Variants in ZNF648 observed in about 807,000 individuals in gnomAD.
ZNF648 encodes the protein zinc finger protein 648.
A neutral mutation model predicts 0.3 loss-of-function variants in ZNF648; 1 was observed. That is an observed-to-expected ratio of 3.90 (90% CI 1.39 to 18.51). The LOEUF (loss-of-function observed/expected upper bound fraction) is 18.51. Among genes scored for constraint, ZNF648 ranks in the 30% most tolerant of loss-of-function variants. The pLI, the probability that ZNF648 is intolerant of heterozygous loss-of-function variation, is 0.11. For synonymous variants in ZNF648, 376 were observed against 326.8 expected (o/e 1.15, Z -1.62); for missense variants, 874 against 769.7 (o/e 1.14, Z -1.60).
chr1:182,059,804 A>AG (rs1491330528), intron 1 of ZNF648, among the ~76,000 whole-genome samples: 1 of 246 alleles, frequency 4.1e-3, no homozygotes, highest in Non-Finnish European at 0.042. Context: ...ACTACATCTC[A>AG]AAAAAAAAAA....
rs568259246 is a variant in ZNF648, at chr1:182,060,602, C to T, written c.-64+966G>A. 3.9e-5 allele frequency among the ~76,000 whole-genome samples: 6 copies of T among 152,248 alleles called. No individual in the cohort carries two copies. The South Asian group carries it at 1.0e-3, about 26-fold the overall frequency. On this transcript the variant is annotated intron_variant, in intron 1 of 1. Transcript: ENST00000339948. ...CCTCTTCTCTCACTGCTTCCCTCAC[C>T]CATCACATGGCAGAGGGTAGCTGGC... is the stretch of plus-strand genomic sequence containing the variant.
Position 182,056,155 on chromosome 1 carries a change from T to A in ZNF648, c.*149A>T. ...ACCTGGGTGCTCTCTCGGTGGTGACTTTCTGTTCAAGGGATCAAATAAATA... is the reference window on the plus strand; with the variant it reads ...ACCTGGGTGCTCTCTCGGTGGTGACATTCTGTTCAAGGGATCAAATAAATA... On this transcript the variant is annotated 3_prime_UTR_variant, in exon 2 of 2. Coordinates refer to ENST00000339948, the MANE Select transcript of ZNF648 (RefSeq NM_001009992.1). 2.0e-6 allele frequency: 2 copies of A among 997,114 alleles called. No homozygotes were observed. Among genetic ancestry groups the A allele is most frequent in the Non-Finnish European group, 2.7e-6 (2 of 740,010 alleles). The allele number at this position is 997,114 out of a possible 1,614,324, so 61.8% of individuals were successfully genotyped here. A position where few individuals can be genotyped will look rare whatever the true frequency, so the allele number is the denominator to read the frequency against.
rs554826947 is a variant in ZNF648 at position 182,056,865 on chromosome 1, G to A, written c.1146C>T (p.His382=). 10 of 1,568,682 alleles carry A rather than the reference G, an allele frequency of 6.4e-6. No homozygotes were observed. The East Asian group carries it at 1.4e-4, about 22-fold the overall frequency. The change falls in exon 2 of 2, where the codon CAC becomes CAT. Residue 382 remains histidine, a synonymous_variant. Coordinates refer to ENST00000339948, the MANE Select transcript of ZNF648 (RefSeq NM_001009992.1). ...TFNKPLSLLR[H]QRTHLGAKPF... ...GCTTGGCGCCCAGGTGCGTGCGCTG[G>A]TGGCGCAGCAGCGACAGCGGCTTGT...
chr1:182,056,107 G>A lies in ZNF648; in HGVS notation c.*197C>T, dbSNP rs1471905893. 2 of 669,228 alleles carry A rather than the reference G, an allele frequency of 3.0e-6. No homozygotes were observed. The highest frequency in any genetic ancestry group is 3.1e-5 in the Admixed American group (1 of 32,036). The allele number at this position is 669,228 out of a possible 1,614,324, so 41.5% of individuals were successfully genotyped here. On this transcript the variant is annotated 3_prime_UTR_variant, in exon 2 of 2. Transcript: ENST00000339948. ...AATTGCTTATGACCTCGGACACTCA[G>A]AACCACTGATGTGAAACCACCCACC... is the stretch of plus-strand genomic sequence containing the variant.
At chr1:182,058,210 G>T in intron 1 of ZNF648, 137 bp from the exon 2 acceptor site, 1 of 632,142 alleles carries the variant, frequency 1.6e-6, no homozygotes, top group Non-Finnish European at 2.6e-6. Flanking sequence ...GCCTCACTGA[G>T]GACAGAGGCC....
rs754998825 is a variant in ZNF648, at chr1:182,057,423, C to G, written c.588G>C (p.Gly196=). ...NSSLLCFPRP[G]SNWDLPTQET... The stretch of plus-strand genomic sequence containing the variant: ...CTTGCGTGGGAAGGTCCCAGTTGCT[C>G]CCCGGCCTGGGGAAACACAACAGAG... Residue 196 remains glycine, a synonymous_variant, in exon 2 of 2, where the codon GGG becomes GGC. Transcript: ENST00000339948. 1 of 1,614,120 alleles carries G rather than the reference C, an allele frequency of 6.2e-7. No individual in the cohort carries two copies. Among genetic ancestry groups the G allele is most frequent in the Non-Finnish European group, 8.5e-7 (1 of 1,180,032 alleles).
chr1:182,061,386 A>G (rs1412407595), intron 1 of ZNF648, among the ~76,000 whole-genome samples, 182 bp downstream of exon 1: 2 of 152,188 alleles, frequency 1.3e-5, no homozygotes, highest in Admixed American at 6.5e-5. Context: ...ACATCCATCA[A>G]CACTCTGCAG....
At chr1:182,065,014 T>C (rs998880960), upstream of ZNF648, 9 of 152,308 alleles carry the variant, frequency 5.9e-5, no homozygotes, top group African/African-American at 2.2e-4. Flanking sequence ...AACACTATGC[T>C]AGCATGCCAC....
chr1:182,062,136 G>GA (rs952518522), upstream of ZNF648, among the ~76,000 whole-genome samples: 4 of 152,320 alleles, frequency 2.6e-5, no homozygotes, highest in Non-Finnish European at 5.9e-5. Flanking sequence ...GGGATTCCCA[G>GA]AATTCTTTGT....
the ZNF648 span, among the ~76,000 whole-genome samples, chr1:182,067,020 G>A: frequency 6.0e-3 from 917 of 152,286 alleles, 16 homozygotes; most frequent in African/African-American, 0.021. Flanking sequence ...GAGCAGTGAT[G>A]TCATAAACCT....
In ZNF648 at chr1:182,057,142, T is replaced by C. The variant is rs1665936509; in HGVS notation, c.869A>G (p.His290Arg). ...CCTGTGCTGCTGGAGTGTGCCGCGG[T>C]GGGAGTAGGCCTTCCCGCATAGCTC... ...ACELCGKAYS[H>R]RGTLQQHRRL... The change falls in exon 2 of 2, where the codon CAC (histidine) becomes CGC (arginine). Residue 290 changes from histidine (H) to arginine (R), a missense_variant. His to Arg is a conservative substitution (Grantham distance 29). Transcript: ENST00000339948. The C allele has an allele frequency of 5.0e-6, 8 of 1,604,000 alleles. No homozygotes were observed. The highest frequency in any genetic ancestry group is 6.8e-6 in the Non-Finnish European group (8 of 1,179,188).
chr1:182,064,423 G>T (rs924150734), upstream of ZNF648: 7 of 152,128 alleles, frequency 4.6e-5, no homozygotes, highest in Non-Finnish European at 8.8e-5. Context: ...CTTCTGAACA[G>T]CAGTTTTCAG....
the ZNF648 span, among the ~76,000 whole-genome samples, chr1:182,068,694 G>A: frequency 6.6e-6 from 1 of 151,940 alleles, no homozygotes; most frequent in Non-Finnish European, 1.5e-5. Flanking sequence ...AGGCTGGGGC[G>A]GGAGGATCCC....
intron 1 of ZNF648, among the ~76,000 whole-genome samples, chr1:182,058,344 G>C (rs1218145373): frequency 6.6e-6 from 1 of 152,124 alleles, no homozygotes; most frequent in African/African-American, 2.4e-5. Flanking sequence ...GCTGTGCCTT[G>C]TCCTGTCTAG....
the ZNF648 span, among the ~76,000 whole-genome samples, chr1:182,068,740 T>C: frequency 1.4e-3 from 205 of 151,582 alleles, no homozygotes; most frequent in African/African-American, 4.7e-3. Context: ...CTCGGCAACA[T>C]AGGGAGACCT....
chr1:182,065,563 A>G (rs546122837), upstream of ZNF648, among the ~76,000 whole-genome samples: 12 of 152,240 alleles, frequency 7.9e-5, no homozygotes, highest in Admixed American at 7.2e-4. Flanking sequence ...TTCAAGACAC[A>G]CTGGTGTTGC....
chr1:182,058,066 C>A lies in ZNF648; in HGVS notation c.-56G>T. On this transcript the variant is annotated 5_prime_UTR_variant, in exon 2 of 2. Transcript: ENST00000339948. ...CTGAGGAGGAGTATCCTGCTTGGCT[C>A]AGGATACCTGCAAAAAGAAAAGTAC... 1 of 1,526,026 alleles carries A rather than the reference C, an allele frequency of 6.6e-7. No homozygotes were observed. Among genetic ancestry groups the A allele is most frequent in the Non-Finnish European group, 8.8e-7 (1 of 1,140,744 alleles). The allele number at this position is 1,526,026 out of a possible 1,614,324, so 94.5% of individuals were successfully genotyped here. A position where few individuals can be genotyped will look rare whatever the true frequency, so the allele number is the denominator to read the frequency against.
chr1:182,055,058 T>C lies in ZNF648; in HGVS notation c.*1246A>G, dbSNP rs1374678460. 6.6e-6 allele frequency: 1 copy of C among 152,216 alleles called. No homozygotes were observed. Among genetic ancestry groups the C allele is most frequent in the Non-Finnish European group, 1.5e-5 (1 of 68,034 alleles). 9.4% of individuals were successfully genotyped at this position (152,216 alleles called of 1,614,324 possible). A position where few individuals can be genotyped will look rare whatever the true frequency, so the allele number is the denominator to read the frequency against. ...CACTATACCTTCTTATGGAATATCTTATTTAACTTCAGTAAGATGAGAAGT... is the reference window on the plus strand; with the variant it reads ...CACTATACCTTCTTATGGAATATCTCATTTAACTTCAGTAAGATGAGAAGT... On this transcript the variant is annotated 3_prime_UTR_variant, in exon 2 of 2. Coordinates refer to ENST00000339948, the MANE Select transcript of ZNF648 (RefSeq NM_001009992.1). This position sits in a 1 kb window ranked among gnomAD's most constrained non-coding sequence, Gnocchi z 4.1.
rs752444717 is a variant in ZNF648, at chr1:182,061,696, G to C, written c.-192C>G. 4 of 152,426 alleles carry C rather than the reference G, an allele frequency of 2.6e-5. No homozygotes were observed. Among genetic ancestry groups the C allele is most frequent in the Non-Finnish European group, 4.4e-5 (3 of 68,208 alleles). The allele number at this position is 152,426 out of a possible 1,614,324, so 9.4% of individuals were successfully genotyped here. A position where few individuals can be genotyped will look rare whatever the true frequency, so the allele number is the denominator to read the frequency against. ...CTCTGTCTCTCACGCTTTGTGTCCAGTCCAGCGGCTGCAGAGAGAGCCTCT... is the reference window on the plus strand; with the variant it reads ...CTCTGTCTCTCACGCTTTGTGTCCACTCCAGCGGCTGCAGAGAGAGCCTCT... On this transcript the variant is annotated 5_prime_UTR_variant, in exon 1 of 2. Transcript: ENST00000339948.
Sources: allele counts gnomAD v4.1 joint callset (sites outside exome capture counted in the v4.1 genomes callset), GRCh38; gene constraint gnomAD v4.1.1; non-coding constraint Gnocchi (gnomAD v3.1); transcripts MANE v1.5; gene names NCBI Gene and HGNC (gene_info 2026-07-23, HGNC 2026-07-21).